The following GAB1 variants were observed in gnomAD, a reference collection of about 807,000 sequenced individuals.
GAB1 encodes the protein GRB2-associated-binding protein 1.
GAB1 carries 19 observed loss-of-function variants against 66.5 expected under a neutral mutation model. That is an observed-to-expected ratio of 0.29 (90% CI 0.20 to 0.42). The LOEUF (loss-of-function observed/expected upper bound fraction) is 0.42, where lower values mean the gene tolerates loss of function less well. GAB1 is among the 10% of genes least tolerant of loss of function. GAB1 has a pLI of 1.00. For synonymous variants in GAB1, 294 were observed against 301.4 expected, an observed-to-expected ratio of 0.98 and a Z score of 0.25; for missense variants, 732 against 858.5, an observed-to-expected ratio of 0.85 and a Z score of 1.84.
chr4:143,407,872 G>A (rs987617929), intron 1 of GAB1, among the ~76,000 whole-genome samples: 1 of 151,798 alleles, frequency 6.6e-6, no homozygotes, highest in African/African-American at 2.4e-5. Context: ...ATAGTATTAT[G>A]GAAATATTTT....
intron 1 of GAB1, among the ~76,000 whole-genome samples, chr4:143,410,843 A>T (rs1200356715): frequency 1.3e-5 from 2 of 152,176 alleles, no homozygotes; most frequent in Non-Finnish European, 2.9e-5. Flanking sequence ...TATTTAGCAG[A>T]CATTGACTGA....
At chr4:143,386,239 C>T (rs1342068103) in intron 1 of GAB1, among the ~76,000 whole-genome samples, 7 of 152,044 alleles carry the variant, frequency 4.6e-5, no homozygotes, top group Admixed American at 4.6e-4. Context: ...ATGCATGGGA[C>T]CAGAAGTATT....
intron 1 of GAB1, among the ~76,000 whole-genome samples, chr4:143,363,726 A>G (rs1439020473): frequency 6.6e-6 from 1 of 152,190 alleles, no homozygotes; most frequent in Non-Finnish European, 1.5e-5. Context: ...TCATATACTC[A>G]GTGGACACAT....
intron 2 of GAB1, chr4:143,426,039 T>G (rs957804782): frequency 1.7e-6 from 1 of 587,346 alleles, no homozygotes; most frequent in Non-Finnish European, 3.0e-6. Flanking sequence ...AGGTATAAGG[T>G]GTTAGAGTTT....
At chr4:143,409,078 G>GT (rs1165002557) in intron 1 of GAB1, among the ~76,000 whole-genome samples, 1 of 152,220 alleles carries the variant, frequency 6.6e-6, no homozygotes, top group Admixed American at 6.5e-5. Flanking sequence ...GAATGGGCTT[G>GT]TTAATGGACT....
intron 3 of GAB1, 106 bp downstream of exon 3, chr4:143,433,822 A>G: frequency 1.1e-6 from 1 of 881,374 alleles, no homozygotes; most frequent in Non-Finnish European, 1.8e-6. Flanking sequence ...GCAGGCTTGA[A>G]AGAGACCATC....
chr4:143,465,395 G>A (rs1735728931), intron 8 of GAB1, among the ~76,000 whole-genome samples: 1 of 152,096 alleles, frequency 6.6e-6, no homozygotes, highest in Non-Finnish European at 1.5e-5. Context: ...AAATTCCAGA[G>A]TTGTCTTCAC....
chr4:143,343,090 G>A (rs903999099), intron 1 of GAB1, among the ~76,000 whole-genome samples: 2 of 152,052 alleles, frequency 1.3e-5, no homozygotes, highest in African/African-American at 4.8e-5. Context: ...ACTTGGTTTT[G>A]CCATTACCCA....
chr4:143,472,191 A>T lies in GAB1; in HGVS notation c.*3002A>T, dbSNP rs1431942917. The T allele has an allele frequency of 6.6e-6, 1 of 152,202 alleles. No individual in the cohort carries two copies. Among genetic ancestry groups the T allele is most frequent in the African/African-American group, 2.4e-5 (1 of 41,472 alleles). The allele number at this position is 152,202 out of a possible 1,614,324, so 9.4% of individuals were successfully genotyped here. A position where few individuals can be genotyped will look rare whatever the true frequency, so the allele number is the denominator to read the frequency against. ...TTTTTAAATCTACACTTCAGTTTAT[A>T]CATCTTTATCATTATCAATACTATA... On this transcript the variant is annotated 3_prime_UTR_variant, in exon 10 of 10. Coordinates refer to ENST00000262994, the MANE Select transcript of GAB1 (RefSeq NM_002039.4).
chr4:143,372,851 G>T (rs959674383), intron 1 of GAB1, among the ~76,000 whole-genome samples: 1 of 152,124 alleles, frequency 6.6e-6, no homozygotes, highest in Non-Finnish European at 1.5e-5. Flanking sequence ...TTCTCAAATG[G>T]TATGATGTCT....
At chr4:143,348,280 TC>T (rs1221816099) in intron 1 of GAB1, among the ~76,000 whole-genome samples, 1 of 152,246 alleles carries the variant, frequency 6.6e-6, no homozygotes, top group East Asian at 1.9e-4. Context: ...AGCCCATTTC[TC>T]ATTCCAGATC....
chr4:143,473,345 G>A lies in GAB1; in HGVS notation c.*4156G>A, dbSNP rs1016286574. 3.9e-5 allele frequency: 6 copies of A among 152,186 alleles called. No individual in the cohort carries two copies. Among genetic ancestry groups the A allele is most frequent in the African/African-American group, 1.4e-4 (6 of 41,428 alleles). 9.4% of individuals were successfully genotyped at this position (152,186 alleles called of 1,614,324 possible). A position where few individuals can be genotyped will look rare whatever the true frequency, so the allele number is the denominator to read the frequency against. On this transcript the variant is annotated 3_prime_UTR_variant, in exon 10 of 10. Coordinates refer to ENST00000262994, the MANE Select transcript of GAB1 (RefSeq NM_002039.4). ...TAGACAAGTTGGATACTAAGATTGTGAACTGATAAGGACATATAAATTTAT... is the reference window on the plus strand; with the variant it reads ...TAGACAAGTTGGATACTAAGATTGTAAACTGATAAGGACATATAAATTTAT...
In GAB1 at chr4:143,438,025, C is replaced by A. The variant is rs1222028562; in HGVS notation, c.620C>A (p.Thr207Asn). 2 of 1,612,814 alleles carry A rather than the reference C, an allele frequency of 1.2e-6. No homozygotes were observed. The highest frequency in any genetic ancestry group is 1.7e-6 in the Non-Finnish European group (2 of 1,179,078). The change falls in exon 4 of 10, where the codon ACC (threonine) becomes AAC (asparagine). Residue 207 changes from threonine (T) to asparagine (N), a missense_variant. By Grantham distance (65) the Thr-to-Asn change is moderately conservative (BLOSUM62 0). Coordinates refer to ENST00000262994, the MANE Select transcript of GAB1 (RefSeq NM_002039.4). ...ACGCATGCTGATTCTGCAAAATCCA[C>A]CTCTTCTGAAACAGACTGCAATGAT... ...TRTHADSAKS[T>N]SSETDCNDNV... is the part of the protein sequence containing the mutation.
At chr4:143,466,419 T>C (rs1405483718) in intron 9 of GAB1, among the ~76,000 whole-genome samples, 194 bp downstream of exon 9, 10 of 152,022 alleles carry the variant, frequency 6.6e-5, no homozygotes, top group Non-Finnish European at 1.5e-5. Context: ...TTCTGATGGT[T>C]AGAAATTTTA....
chr4:143,337,355 T>C, intron 1 of GAB1, 95 bp downstream of exon 1: 2 of 1,081,182 alleles, frequency 1.8e-6, no homozygotes, highest in Non-Finnish European at 2.8e-6. Flanking sequence ...CGCGCGGGGC[T>C]GGTTCTTAAA....
intron 1 of GAB1, among the ~76,000 whole-genome samples, chr4:143,347,632 T>C (rs1729032583): frequency 6.6e-6 from 1 of 152,244 alleles, no homozygotes; most frequent in African/African-American, 2.4e-5. Context: ...AAGTGAACAC[T>C]GTTTTCACCT....
At chr4:143,388,560 G>A (rs886734368) in intron 1 of GAB1, among the ~76,000 whole-genome samples, 3 of 151,998 alleles carry the variant, frequency 2.0e-5, no homozygotes, top group Non-Finnish European at 2.9e-5. Flanking sequence ...CATTACAGAC[G>A]TGCGTCAACA....
chr4:143,337,049 G>C lies in GAB1; in HGVS notation c.-140G>C. ...ACTCGTGGAACCCGCGCACCGTGGA[G>C]TCTGTCCGCCCAGTCCGTCCGGGGT... On this transcript the variant is annotated 5_prime_UTR_variant, in exon 1 of 10. Coordinates refer to ENST00000262994, the MANE Select transcript of GAB1 (RefSeq NM_002039.4). 1 of 684,380 alleles carries C rather than the reference G, an allele frequency of 1.5e-6. No homozygotes were observed. The highest frequency in any genetic ancestry group is 2.5e-6 in the Non-Finnish European group (1 of 404,024). 42.4% of individuals were successfully genotyped at this position (684,380 alleles called of 1,614,324 possible). A position where few individuals can be genotyped will look rare whatever the true frequency, so the allele number is the denominator to read the frequency against.
intron 1 of GAB1, chr4:143,394,812 C>G (rs927299908): frequency 3.9e-5 from 6 of 152,006 alleles, no homozygotes; most frequent in Non-Finnish European, 8.8e-5. Flanking sequence ...TTCTTTTGTA[C>G]TCAGGTTGTT....
Sources: allele counts gnomAD v4.1 joint callset (sites outside exome capture counted in the v4.1 genomes callset), GRCh38; gene constraint gnomAD v4.1.1; transcripts MANE v1.5; gene names NCBI Gene and HGNC (gene_info 2026-07-23, HGNC 2026-07-21).